Variants in DMD observed in about 807,000 individuals in gnomAD.
DMD encodes dystrophin.
Under a neutral mutation model 330.1 loss-of-function variants are expected in DMD, and 63 were observed. The observed-to-expected ratio is 0.19, with a 90% CI of 0.16 to 0.24. The LOEUF (loss-of-function observed/expected upper bound fraction) is 0.24, where lower values mean the gene tolerates loss of function less well. Ranked by LOEUF, DMD falls within the 10% of genes least tolerant of loss-of-function variation. The probability of loss-of-function intolerance (pLI) is 1.00; values close to 1 mark genes in which losing one functional copy is unlikely to be tolerated. For missense variants in DMD, 3,344 were observed against 2,684.1 expected (o/e 1.25, Z -5.43); for synonymous variants, 1,223 against 959.8 (o/e 1.27, Z -5.07).
At chrX:31,713,262 C>T (rs995663431) in intron 52 of DMD, among the ~76,000 whole-genome samples, 6 of 88,998 alleles carry the variant, frequency 6.7e-5, no homozygotes, top group African/African-American at 3.0e-4. Context: ...TGATATGTTC[C>T]ACAATTACTT....
chrX:31,445,931 T>C (rs1166394313), intron 59 of DMD, among the ~76,000 whole-genome samples: 1 of 112,204 alleles, frequency 8.9e-6, no homozygotes, highest in African/African-American at 3.2e-5. Flanking sequence ...GTTTGTGTAA[T>C]GTAATGTCTG....
chrX:32,345,908 AC>A, intron 39 of DMD, 34 bp downstream of exon 39: 2 of 1,201,334 alleles, frequency 1.7e-6, no homozygotes, highest in Non-Finnish European at 2.3e-6. Context: ...AAAAAAAACC[AC>A]AGGCAAGGTA....
intron 55 of DMD, among the ~76,000 whole-genome samples, chrX:31,595,100 T>C (rs1485342672): frequency 9.0e-6 from 1 of 111,370 alleles, no homozygotes; most frequent in Non-Finnish European, 1.9e-5. Flanking sequence ...ATTTGCCTCA[T>C]TGTTAAAAGC....
chrX:32,776,082 G>C (rs975608761), intron 7 of DMD, among the ~76,000 whole-genome samples: 1 of 111,681 alleles, frequency 9.0e-6, no homozygotes, highest in Non-Finnish European at 1.9e-5. Context: ...GTCTAGGGAA[G>C]GGGCAAAATG....
intron 63 of DMD, among the ~76,000 whole-genome samples, chrX:31,233,739 AC>A (rs956057357): frequency 1.8e-5 from 2 of 112,088 alleles, no homozygotes; most frequent in Non-Finnish European, 3.8e-5. Flanking sequence ...CCTTGGCCTT[AC>A]CGCCGTCTCG....
chrX:32,839,369 C>T (rs921982406), intron 4 of DMD, among the ~76,000 whole-genome samples: 3 of 111,787 alleles, frequency 2.7e-5, no homozygotes, highest in African/African-American at 9.8e-5. Flanking sequence ...CTTCTCAGAC[C>T]TCTTATTCTA....
chrX:31,241,668 T>C lies in DMD; in HGVS notation c.9287-18547A>G, dbSNP rs766580218. Among the ~76,000 whole-genome samples, 15 of 111,254 alleles carry C rather than the reference T, an allele frequency of 1.3e-4. No homozygotes were observed. In the Admixed American group the frequency reaches 1.4e-3, roughly 11 times the overall value. ...ATTACCTTCTGGCAATTCTACCTTG[T>C]TAAGAAAAACCTCTGGAGTCACGTT... On this transcript the variant is annotated intron_variant, in intron 63 of 78. Coordinates refer to ENST00000357033, the MANE Select transcript of DMD (RefSeq NM_004006.3).
chrX:32,998,381 A>G (rs1307118814), intron 2 of DMD, among the ~76,000 whole-genome samples: 2 of 106,891 alleles, frequency 1.9e-5, no homozygotes, highest in African/African-American at 6.8e-5. Context: ...AAAAAAAAAA[A>G]AAAAAAAAAA....
chrX:31,520,118 T>G lies in DMD; in HGVS notation c.8218-12665A>C, dbSNP rs965218404. Among the ~76,000 whole-genome samples, 6 of 112,465 alleles carry G rather than the reference T, an allele frequency of 5.3e-5. No individual in the cohort carries two copies. The East Asian group carries it at 1.7e-3, about 31-fold the overall frequency. On this transcript the variant is annotated intron_variant, in intron 55 of 78. Transcript: ENST00000357033. The stretch of plus-strand genomic sequence containing the variant: ...CATATTTGCCGGGAAAAAAATGTCA[T>G]AAAGGAAAAGTAGGCAAAATGCTAA...
intron 60 of DMD, among the ~76,000 whole-genome samples, chrX:31,442,044 G>A (rs1473647923): frequency 1.8e-5 from 2 of 112,057 alleles, no homozygotes; most frequent in Non-Finnish European, 3.8e-5. Context: ...CTGTTTAATA[G>A]GAGAAGGCTG....
chrX:32,004,124 AG>A lies in DMD; in HGVS notation c.6439-35611del, dbSNP rs776816077. On this transcript the variant is annotated intron_variant, in intron 44 of 78. Coordinates refer to ENST00000357033, the MANE Select transcript of DMD (RefSeq NM_004006.3). ...AAACAAACTAAGATTCAGGAAGCTA[AG>A]TAACTTATTTAAGGTCACACACCTA... Among the ~76,000 whole-genome samples, 926 of 111,500 alleles carry A rather than the reference AG, an allele frequency of 8.3e-3. 3 individuals are homozygous for A. Among genetic ancestry groups the A allele is most frequent in the Non-Finnish European group, 0.013 (687 of 52,892 alleles).
Position 32,545,329 on chromosome X carries a change from T to A in DMD, c.1998A>T (p.Ser666=), listed in dbSNP as rs1289591017. 5.0e-6 allele frequency: 6 copies of A among 1,209,557 alleles called. No individual in the cohort carries two copies. The South Asian group carries it at 8.8e-5, about 18-fold the overall frequency. Residue 666 remains serine (S), a synonymous_variant, in exon 17 of 79, where the codon TCA becomes TCT. Transcript: ENST00000357033. Reference sequence around the variant, plus strand: ...ATGGCTGAGTGGTGGTGACAGCCTGTGAAATCTGTGAGAAGTATTGAAACA... The same window carrying A: ...ATGGCTGAGTGGTGGTGACAGCCTGAGAAATCTGTGAGAAGTATTGAAACA... ...QKLEKSTAQI[S]QAVTTTQPSL...
At chrX:31,728,111 C>T (rs1418963196) in intron 52 of DMD, among the ~76,000 whole-genome samples, 1 of 112,303 alleles carries the variant, frequency 8.9e-6, no homozygotes, top group East Asian at 2.8e-4. Context: ...CAAGCTCCGC[C>T]TCCCGGGTTC....
chrX:32,230,277 C>T (rs778211860), intron 43 of DMD, among the ~76,000 whole-genome samples: 286 of 112,390 alleles, frequency 2.5e-3, no homozygotes, highest in Middle Eastern at 4.6e-3. Flanking sequence ...CGGAGTCTCG[C>T]TCTGTCAACC....
intron 30 of DMD, among the ~76,000 whole-genome samples, chrX:32,404,217 T>G (rs941498488): frequency 8.9e-6 from 1 of 111,908 alleles, no homozygotes; most frequent in Admixed American, 9.6e-5. Context: ...TTTAAATTAA[T>G]AGCTTTCTTT....
rs777510517 is a variant in DMD, at chrX:31,178,669, G to A, written c.10223C>T (p.Thr3408Ile). Residue 3408 changes from threonine to isoleucine, a missense_variant and splice_region_variant, in exon 70 of 79, where the codon ACT (threonine) becomes ATT (isoleucine). Thr to Ile is a moderately conservative substitution (Grantham distance 89). Coordinates refer to ENST00000357033, the MANE Select transcript of DMD (RefSeq NM_004006.3). ...GTGTTCTGCTTTTGCTACTACTCAC[G>A]TTTCCATGTTGTCCCCCTCTAAGAC... ...QTVLEGDNMETPVTLINFWPV... is the reference protein window; with the variant it reads ...QTVLEGDNMEIPVTLINFWPV... The A allele has an allele frequency of 3.3e-5, 40 of 1,205,136 alleles. No homozygotes were observed. The highest frequency in any genetic ancestry group is 5.9e-5 in the East Asian group (2 of 33,680).
At chrX:31,688,737 C>T (rs2082882003) in intron 52 of DMD, among the ~76,000 whole-genome samples, 1 of 110,962 alleles carries the variant, frequency 9.0e-6, no homozygotes, top group East Asian at 2.8e-4. Flanking sequence ...ACTGGCAAAC[C>T]GAATCCAGCA....
intron 11 of DMD, among the ~76,000 whole-genome samples, chrX:32,619,439 G>C (rs763604815): frequency 9.0e-6 from 1 of 111,465 alleles, no homozygotes; most frequent in African/African-American, 3.3e-5. Context: ...AATGTAGAGA[G>C]AGAGGACGTT....
chrX:32,469,928 A>T (rs1217273571), intron 22 of DMD, among the ~76,000 whole-genome samples: 1 of 110,919 alleles, frequency 9.0e-6, no homozygotes, highest in African/African-American at 3.3e-5. Flanking sequence ...GATTATTTCC[A>T]TCAGATACAG....
Sources: gnomAD v4.1 joint callset for allele counts (sites outside exome capture counted in the v4.1 genomes callset) on GRCh38, gnomAD v4.1.1 for gene constraint, MANE v1.5 for transcripts, NCBI Gene and HGNC (gene_info 2026-07-23, HGNC 2026-07-21) for gene names.